CDC42BPB: variants seen among roughly 807,000 people sequenced by gnomAD.
CDC42BPB encodes CDC42 binding protein kinase beta.
In CDC42BPB, 37 loss-of-function variants were observed where a neutral mutation model predicts 214.9. That is an observed-to-expected ratio of 0.17 (90% CI 0.13 to 0.23). The LOEUF (loss-of-function observed/expected upper bound fraction) is 0.23. Among genes scored for constraint, CDC42BPB ranks in the 10% least tolerant of loss-of-function variants. The pLI is 1.00. For missense variants in CDC42BPB, 1,694 were observed against 2,227.0 expected, an observed-to-expected ratio of 0.76 and a Z score of 4.82; for synonymous variants, 931 against 884.0, an observed-to-expected ratio of 1.05 and a Z score of -0.94.
chr14:102,963,725 T>C (rs1893060408), intron 19 of CDC42BPB, among the ~76,000 whole-genome samples: 1 of 152,228 alleles, frequency 6.6e-6, no homozygotes, highest in Non-Finnish European at 1.5e-5. Flanking sequence ...CAAGACTGCC[T>C]ACCCTGTTGG....
intron 30 of CDC42BPB, chr14:102,941,076 G>A (rs1344164134): frequency 8.3e-6 from 8 of 966,006 alleles, no homozygotes; most frequent in Non-Finnish European, 9.8e-6. Flanking sequence ...GAAGAGCAGT[G>A]ACACAGCTGT....
Position 103,004,459 on chromosome 14 carries a change from C to T in CDC42BPB, c.352-436G>A, listed in dbSNP as rs537171648. On this transcript the variant is annotated intron_variant, in intron 3 of 36. Coordinates refer to ENST00000361246, the MANE Select transcript of CDC42BPB (RefSeq NM_006035.4). The surrounding 1 kb of genome is among the most constrained non-coding windows in gnomAD (Gnocchi z 5.3). ...GAGCTGCTGTGCAGCTGGCAGAAGGCGCACACGTTTGCTGAAATCACAGTA... is the reference window on the plus strand; with the variant it reads ...GAGCTGCTGTGCAGCTGGCAGAAGGTGCACACGTTTGCTGAAATCACAGTA... Among the ~76,000 whole-genome samples the T allele has an allele frequency of 5.9e-5, 9 of 152,312 alleles. No individual in the cohort carries two copies. Among genetic ancestry groups the T allele is most frequent in the African/African-American group, 1.2e-4 (5 of 41,564 alleles).
rs773562932 is a variant in CDC42BPB, at chr14:102,968,314, T to C, written c.2285A>G (p.Tyr762Cys). The C allele has an allele frequency of 1.9e-6, 3 of 1,614,114 alleles. No individual in the cohort carries two copies. Among genetic ancestry groups the C allele is most frequent in the Admixed American group, 1.7e-5 (1 of 60,010 alleles). ...EEAVGTIKDK[Y>C]ERERAMLFDE... ...AAACAGCATCGCTCTTTCTCGTTCG[T>C]ATTTATCTTTTATTGTACCTACTGC... The change falls in exon 16 of 37, where the codon TAC (tyrosine) becomes TGC (cysteine). Residue 762 changes from tyrosine to cysteine, a missense_variant. Tyr to Cys is a radical substitution (Grantham distance 194, BLOSUM62 -2). Transcript: ENST00000361246.
chr14:103,008,711 C>A, intron 2 of CDC42BPB, 156 bp from the exon 3 acceptor site: 1 of 984,918 alleles, frequency 1.0e-6, no homozygotes, highest in Non-Finnish European at 1.2e-6. Context: ...CCAGTTCCTG[C>A]ATCAAGAACC....
chr14:102,960,768 T>C (rs1001482798), intron 20 of CDC42BPB, among the ~76,000 whole-genome samples: 3 of 152,138 alleles, frequency 2.0e-5, no homozygotes, highest in South Asian at 2.1e-4. Flanking sequence ...GCTTAATAAC[T>C]GGTATTGGAC....
chr14:102,960,817 C>A lies in CDC42BPB; in HGVS notation c.2822-1107G>T, dbSNP rs139521522. 2.5e-4 allele frequency among the ~76,000 whole-genome samples: 38 copies of A among 152,258 alleles called. No individual in the cohort carries two copies. In the East Asian group the frequency reaches 6.9e-3, roughly 28 times the overall value. ...TTAGCAAAAGATAAAACTGGATACA[C>A]TCCTCGAACCGTATGTCAGAGCAAA... On this transcript the variant is annotated intron_variant, in intron 20 of 36. Transcript: ENST00000361246.
chr14:103,047,346 G>C (rs900686265), intron 1 of CDC42BPB, among the ~76,000 whole-genome samples: 3 of 149,006 alleles, frequency 2.0e-5, no homozygotes, highest in Admixed American at 1.3e-4. Flanking sequence ...AAGTTCCCCA[G>C]AGCTGAAGGA....
rs905113104 is a variant in CDC42BPB, at chr14:102,944,382, T to C, written c.3917A>G (p.Tyr1306Cys). The C allele has an allele frequency of 6.2e-6, 10 of 1,613,118 alleles. No individual in the cohort carries two copies. Among genetic ancestry groups the C allele is most frequent in the South Asian group, 3.3e-5 (3 of 91,080 alleles). The change falls in exon 30 of 37, where the codon TAT becomes TGT. Residue 1306 changes from tyrosine to cysteine, a missense_variant. Transcript: ENST00000361246. The surrounding 1 kb of genome is among the most constrained non-coding windows in gnomAD (Gnocchi z 6.6). ...CGCTCCATCAAGGGACGACCACGGA[T>C]AGAGGTGCACATGGTGGTTCCGGCC... ...LCGRNHHVHL[Y>C]PWSSLDGAEG...
At chr14:103,038,715 C>T (rs1223832158) in intron 1 of CDC42BPB, among the ~76,000 whole-genome samples, 2 of 29,154 alleles carry the variant, frequency 6.9e-5, no homozygotes, top group East Asian at 1.6e-3. Flanking sequence ...TTTGTAGAGA[C>T]GGGGGGGGGG....
chr14:102,944,508 G>A lies in CDC42BPB; in HGVS notation c.3812-21C>T, dbSNP rs1482116940. 14 of 1,597,022 alleles carry A rather than the reference G, an allele frequency of 8.8e-6. No homozygotes were observed. Among genetic ancestry groups the A allele is most frequent in the African/African-American group, 1.3e-5 (1 of 74,734 alleles). On this transcript the variant is annotated intron_variant, in intron 29 of 36. Coordinates refer to ENST00000361246, the MANE Select transcript of CDC42BPB (RefSeq NM_006035.4). This position sits in a 1 kb window ranked among gnomAD's most constrained non-coding sequence, Gnocchi z 6.6. ...GATCACTGTGGCAAGGAGGACAAGA[G>A]CGTGAGGCCGACGGGACAGCCAGCA...
At chr14:103,052,255 G>A (rs553493674) in intron 1 of CDC42BPB, among the ~76,000 whole-genome samples, 1 of 152,112 alleles carries the variant, frequency 6.6e-6, no homozygotes, top group Non-Finnish European at 1.5e-5. Flanking sequence ...TCTAAATTAG[G>A]TTAAACTAAT....
At chr14:103,019,268 C>T (rs1407642971) in intron 1 of CDC42BPB, among the ~76,000 whole-genome samples, 15 of 152,300 alleles carry the variant, frequency 9.8e-5, no homozygotes, top group East Asian at 1.9e-4. Flanking sequence ...GAGACACGGC[C>T]GCCCTGCAGC....
chr14:103,033,102 C>T (rs1192622067), intron 1 of CDC42BPB, among the ~76,000 whole-genome samples: 1 of 152,032 alleles, frequency 6.6e-6, no homozygotes, highest in African/African-American at 2.4e-5. Context: ...CTGGGATTTT[C>T]CTAAAATAAT....
chr14:103,040,659 T>C (rs1887937689), intron 1 of CDC42BPB, among the ~76,000 whole-genome samples: 1 of 152,058 alleles, frequency 6.6e-6, no homozygotes, highest in African/African-American at 2.4e-5. Flanking sequence ...GGTTTCACCA[T>C]GTTGGCCAGG....
chr14:103,042,436 G>A (rs1336492042), intron 1 of CDC42BPB, among the ~76,000 whole-genome samples: 3 of 151,820 alleles, frequency 2.0e-5, no homozygotes, highest in Non-Finnish European at 2.9e-5. Context: ...TCAGCCTCCC[G>A]AGTAGCTGGG....
At chr14:103,018,823 C>T (rs111364565) in intron 1 of CDC42BPB, among the ~76,000 whole-genome samples, 3 of 152,164 alleles carry the variant, frequency 2.0e-5, no homozygotes, top group Non-Finnish European at 2.9e-5. Flanking sequence ...GTGATCACTT[C>T]GAAACCACCA....
chr14:103,029,862 A>G (rs75781792), intron 1 of CDC42BPB, among the ~76,000 whole-genome samples: 23 of 132,120 alleles, frequency 1.7e-4, no homozygotes, highest in Non-Finnish European at 2.9e-4. Context: ...CATCTCCAAA[A>G]AAAAAAAAAA....
At chr14:103,036,479 G>A (rs1450070698) in intron 1 of CDC42BPB, among the ~76,000 whole-genome samples, 1 of 152,040 alleles carries the variant, frequency 6.6e-6, no homozygotes. Flanking sequence ...ACACAAGACT[G>A]AAAGCTTCTT....
At position 102,932,887 on chromosome 14, in the gene CDC42BPB, C is replaced by CGGGCA. The variant is rs1891454701; in HGVS notation, c.*820_*824dup. ...GGGGCAGGACTGGTGGGGGGGGGGG[C>CGGGCA]GGGCAGGGCGGGGCGGGGTGGGGTA... is the stretch of plus-strand genomic sequence containing the variant. On this transcript the variant is annotated 3_prime_UTR_variant, in exon 37 of 37. Transcript: ENST00000361246. 5.2e-5 allele frequency: 1 copy of CGGGCA among 19,210 alleles called. No homozygotes were observed. Among genetic ancestry groups the CGGGCA allele is most frequent in the Non-Finnish European group, 1.2e-4 (1 of 8,638 alleles). 1.2% of individuals were successfully genotyped at this position (19,210 alleles called of 1,614,324 possible).
Sources: allele counts gnomAD v4.1 joint callset (sites outside exome capture counted in the v4.1 genomes callset), GRCh38; gene constraint gnomAD v4.1.1; non-coding constraint Gnocchi (gnomAD v3.1); transcripts MANE v1.5; gene names NCBI Gene and HGNC (gene_info 2026-07-23, HGNC 2026-07-21).